Variants in PAK3 observed in about 807,000 individuals in gnomAD.
PAK3 encodes serine/threonine-protein kinase PAK 3.
PAK3 carries 4 observed loss-of-function variants against 41.0 expected under a neutral mutation model. That is an observed-to-expected ratio of 0.10 (90% CI 0.05 to 0.22). The LOEUF (loss-of-function observed/expected upper bound fraction) is 0.22, where lower values mean the gene tolerates loss of function less well. Ranked by LOEUF, PAK3 falls within the 10% of genes least tolerant of loss-of-function variation. The pLI is 1.00. For missense variants in PAK3, 205 were observed against 409.9 expected (o/e 0.50, Z 4.32); for synonymous variants, 146 against 139.6 (o/e 1.05, Z -0.32).
chrX:110,967,852 C>A (rs2148624966), intron 1 of PAK3, among the ~76,000 whole-genome samples: 1 of 111,753 alleles, frequency 8.9e-6, no homozygotes, highest in African/African-American at 3.3e-5. Flanking sequence ...GACATTGGCA[C>A]AATGTGTGTG....
chrX:110,977,818 T>G (rs1285112695), intron 1 of PAK3, among the ~76,000 whole-genome samples: 1 of 112,058 alleles, frequency 8.9e-6, no homozygotes, highest in African/African-American at 3.2e-5. Context: ...CAGGATGTTC[T>G]GGACACTGGT....
intron 1 of PAK3, among the ~76,000 whole-genome samples, chrX:111,003,487 T>C (rs140880568): frequency 0.018 from 2,000 of 111,560 alleles, 18 homozygotes; most frequent in Middle Eastern, 0.046. Context: ...GGTAATGGCA[T>C]CCCTGACTGG....
chrX:111,109,076 C>T (rs2093325150), intron 4 of PAK3, among the ~76,000 whole-genome samples: 1 of 112,050 alleles, frequency 8.9e-6, no homozygotes, highest in African/African-American at 3.2e-5. Flanking sequence ...ATCCCCATTG[C>T]TTCTTAGGCC....
chrX:111,156,573 C>T (rs2094109912), intron 8 of PAK3, among the ~76,000 whole-genome samples: 1 of 111,990 alleles, frequency 8.9e-6, no homozygotes, highest in Non-Finnish European at 1.9e-5. Context: ...CATAAAAACT[C>T]CCAGTAGATC....
At chrX:111,085,298 C>T in intron 1 of PAK3, among the ~76,000 whole-genome samples, 1 of 111,413 alleles carries the variant, frequency 9.0e-6, no homozygotes, top group African/African-American at 3.3e-5. Flanking sequence ...TGAGATTGCT[C>T]CCCAACCCCA....
At position 111,162,959 on chromosome X, in the gene PAK3, T is replaced by C. The variant is rs771248210; in HGVS notation, c.513T>C (p.Ser171=). The C allele has an allele frequency of 1.7e-6, 2 of 1,206,227 alleles. No individual in the cohort carries two copies. Among genetic ancestry groups the C allele is most frequent in the Non-Finnish European group, 2.2e-6 (2 of 890,795 alleles). The part of the protein sequence containing the change: ...ASEPPLAPPV[S]EEEDEEEEEE... ...AGCCTCCATTGGCCCCTCCTGTGTC[T>C]GAAGAAGAAGATGAAGAGGAAGAAG... The change falls in exon 9 of 18, where the codon TCT becomes TCC. Residue 171 remains serine (S), a synonymous_variant. Coordinates refer to ENST00000372007, the MANE Select transcript of PAK3 (RefSeq NM_002578.5).
At chrX:111,182,381 G>A (rs1423420964) in intron 11 of PAK3, among the ~76,000 whole-genome samples, 1 of 110,514 alleles carries the variant, frequency 9.0e-6, no homozygotes, top group Non-Finnish European at 1.9e-5. Context: ...TCTGAGAAAA[G>A]TCATGCCCTA....
chrX:111,188,289 A>G (rs1231440060), intron 11 of PAK3, among the ~76,000 whole-genome samples: 1 of 109,955 alleles, frequency 9.1e-6, no homozygotes, highest in African/African-American at 3.3e-5. Context: ...GTCAATCACA[A>G]TTTTAGCCCT....
chrX:110,961,730 C>A (rs142079480), intron 1 of PAK3, among the ~76,000 whole-genome samples: 1 of 112,362 alleles, frequency 8.9e-6, no homozygotes, highest in African/African-American at 3.2e-5. Context: ...TTTAACCAAT[C>A]CCATTCTCTC....
intron 1 of PAK3, among the ~76,000 whole-genome samples, chrX:110,980,074 C>T (rs1454020942): frequency 8.9e-6 from 1 of 112,219 alleles, no homozygotes; most frequent in Non-Finnish European, 1.9e-5. Flanking sequence ...CCACTCCATC[C>T]TCAAAACCAT....
chrX:110,953,066 T>C (rs1280895589), intron 1 of PAK3, among the ~76,000 whole-genome samples: 1 of 112,298 alleles, frequency 8.9e-6, no homozygotes, highest in African/African-American at 3.2e-5. Flanking sequence ...AAACTATGCT[T>C]GGTGCTTTAA....
chrX:111,084,967 T>C (rs779289989), intron 1 of PAK3, among the ~76,000 whole-genome samples: 1 of 111,596 alleles, frequency 9.0e-6, no homozygotes, highest in African/African-American at 3.3e-5. Flanking sequence ...TCTGGGCCGA[T>C]ATAGAAACAG....
intron 1 of PAK3, among the ~76,000 whole-genome samples, chrX:111,081,012 T>C (rs918454121): frequency 9.0e-6 from 1 of 111,431 alleles, no homozygotes; most frequent in African/African-American, 3.3e-5. Flanking sequence ...ATCTCACTTA[T>C]ATGTGGAATT....
At chrX:111,070,110 G>A (rs762582091) in intron 1 of PAK3, among the ~76,000 whole-genome samples, 1 of 110,855 alleles carries the variant, frequency 9.0e-6, no homozygotes, top group Non-Finnish European at 1.9e-5. Context: ...GTAATCCTGA[G>A]ACAAAACAAA....
At chrX:111,066,781 C>T (rs1313406237) in intron 1 of PAK3, among the ~76,000 whole-genome samples, 2 of 111,794 alleles carry the variant, frequency 1.8e-5, no homozygotes, top group South Asian at 3.7e-4. Flanking sequence ...GCATATAGTC[C>T]GTATTGTGTC....
At chrX:111,193,773 AAAAAC>A (rs200950249) in intron 13 of PAK3, among the ~76,000 whole-genome samples, 10,606 of 108,486 alleles carry the variant, frequency 0.098, 1,582 homozygotes, top group African/African-American at 0.35. Context: ...AACAAAAAAC[AAAAAC>A]AAAAAAAAAC....
intron 1 of PAK3, among the ~76,000 whole-genome samples, chrX:110,992,549 G>C (rs184701518): frequency 1.5e-3 from 166 of 110,673 alleles, no homozygotes; most frequent in African/African-American, 5.2e-3. Flanking sequence ...CCACTCTGTA[G>C]ACTGCAGAGA....
chrX:111,148,135 TA>T (rs761316642), intron 7 of PAK3, among the ~76,000 whole-genome samples: 1 of 112,086 alleles, frequency 8.9e-6, no homozygotes, highest in Admixed American at 9.4e-5. Flanking sequence ...CTTGAACTGG[TA>T]GTCACAATTG....
chrX:111,044,231 G>A (rs1017065802), intron 1 of PAK3, among the ~76,000 whole-genome samples: 1 of 111,814 alleles, frequency 8.9e-6, no homozygotes, highest in African/African-American at 3.3e-5. Flanking sequence ...ATTAGTGACA[G>A]ATCTTGAAAG....
Sources: allele counts gnomAD v4.1 joint callset (sites outside exome capture counted in the v4.1 genomes callset), GRCh38; gene constraint gnomAD v4.1.1; transcripts MANE v1.5; gene names NCBI Gene and HGNC (gene_info 2026-07-23, HGNC 2026-07-21).